Variants in HNRNPU observed in about 807,000 individuals in gnomAD.
The protein encoded by HNRNPU is HNRNPU antisense RNA 1.
A neutral mutation model predicts 94.7 loss-of-function variants in HNRNPU; 5 were observed. The ratio of observed to expected loss-of-function variants is 0.05; its 90% confidence interval spans 0.03 to 0.11. The LOEUF (loss-of-function observed/expected upper bound fraction) is 0.11, where lower values mean the gene tolerates loss of function less well. HNRNPU is among the 10% of genes least tolerant of loss of function. The probability of loss-of-function intolerance (pLI) is 1.00; values close to 1 mark genes in which losing one functional copy is unlikely to be tolerated. For missense variants in HNRNPU, 710 were observed against 1,049.2 expected (o/e 0.68, Z 4.47); for synonymous variants, 434 against 381.6 (o/e 1.14, Z -1.60).
intron 10 of HNRNPU, 73 bp from the exon 11 acceptor site, chr1:244,856,231 C>T (rs994209426): frequency 6.9e-7 from 1 of 1,441,646 alleles, no homozygotes. Context: ...GCTGACAATT[C>T]TTGAGGTTTA....
intron 11 of HNRNPU, 72 bp from the exon 12 acceptor site, chr1:244,855,680 T>C (rs1345098636): frequency 2.0e-6 from 3 of 1,482,678 alleles, no homozygotes; most frequent in African/African-American, 1.4e-5. Flanking sequence ...AGGATTCCTC[T>C]AGATTGTTCC....
At chr1:244,858,321 C>T (rs1253853495) in intron 6 of HNRNPU, 47 bp from the exon 7 acceptor site, 9 of 1,548,814 alleles carry the variant, frequency 5.8e-6, no homozygotes, top group Non-Finnish European at 7.0e-6. Context: ...CTTCCTTAAA[C>T]TTTCTAAAAA....
chr1:244,854,153 C>G lies in HNRNPU; in HGVS notation c.*297G>C. 1 of 280,486 alleles carries G rather than the reference C, an allele frequency of 3.6e-6. No individual in the cohort carries two copies. Among genetic ancestry groups the G allele is most frequent in the South Asian group, 4.6e-5 (1 of 21,686 alleles). 17.4% of individuals were successfully genotyped at this position (280,486 alleles called of 1,614,324 possible). A position where few individuals can be genotyped will look rare whatever the true frequency, so the allele number is the denominator to read the frequency against. On this transcript the variant is annotated 3_prime_UTR_variant, in exon 14 of 14. Coordinates refer to ENST00000640218, the MANE Select transcript of HNRNPU (RefSeq NM_031844.3). ...CCAGGTACAAAGCAACATTTTACTTCTGTTGTGATAAAAAAAAAAAAAAGT... is the reference window on the plus strand; with the variant it reads ...CCAGGTACAAAGCAACATTTTACTTGTGTTGTGATAAAAAAAAAAAAAAGT...
rs910476955 is a variant in HNRNPU at position 244,856,029 on chromosome 1, T to C, written c.2042A>G (p.Lys681Arg). Residue 681 changes from lysine (K) to arginine (R), a missense_variant, in exon 11 of 14, where the codon AAG becomes AGG. Lys to Arg is a conservative substitution (Grantham distance 26, BLOSUM62 2). Coordinates refer to ENST00000640218, the MANE Select transcript of HNRNPU (RefSeq NM_031844.3). ...EESKKALPPE[K>R]KQNTGSKKSN... ...TTTCTTTGAGCCAGTGTTCTGTTTCTTTTCTGGTGGAAGAGCCTTTTTGCT... is the reference window on the plus strand; with the variant it reads ...TTTCTTTGAGCCAGTGTTCTGTTTCCTTTCTGGTGGAAGAGCCTTTTTGCT... The C allele has an allele frequency of 6.2e-7, 1 of 1,614,192 alleles. No homozygotes were observed. Among genetic ancestry groups the C allele is most frequent in the Non-Finnish European group, 8.5e-7 (1 of 1,180,026 alleles).
chr1:244,859,064 T>G (rs977314904), intron 5 of HNRNPU: 22 of 580,730 alleles, frequency 3.8e-5, no homozygotes, highest in Admixed American at 1.7e-4. Flanking sequence ...ACGGGTAAGA[T>G]TTTATTTCAA....
chr1:244,851,482 A>G lies in HNRNPU; in HGVS notation c.*2968T>C, dbSNP rs961092732. The G allele has an allele frequency of 2.6e-5, 4 of 152,232 alleles. No individual in the cohort carries two copies. Among genetic ancestry groups the G allele is most frequent in the African/African-American group, 9.6e-5 (4 of 41,460 alleles). The allele number at this position is 152,232 out of a possible 1,614,324, so 9.4% of individuals were successfully genotyped here. On this transcript the variant is annotated 3_prime_UTR_variant, in exon 14 of 14. Transcript: ENST00000640218. The stretch of plus-strand genomic sequence containing the variant: ...TACAGAATACACTCTGTTCATGAAT[A>G]TAAAATCCCCAGGTGAAAGTCCCTT...
chr1:244,860,368 A>T lies in HNRNPU; in HGVS notation c.984T>A (p.Gly328=). The change falls in exon 4 of 14, where the codon GGT becomes GGA. Residue 328 remains glycine, a synonymous_variant. Coordinates refer to ENST00000640218, the MANE Select transcript of HNRNPU (RefSeq NM_031844.3). ...FLWAGGRASY[G]VSKGKVCFEM... The stretch of plus-strand genomic sequence containing the variant: ...CAAAACACACTTTGCCTTTTGACAC[A>T]CCATAGGATGCTCTTCCTCCAGCCC... 1 of 1,611,804 alleles carries T rather than the reference A, an allele frequency of 6.2e-7. No individual in the cohort carries two copies. Among genetic ancestry groups the T allele is most frequent in the Non-Finnish European group, 8.5e-7 (1 of 1,179,410 alleles).
rs1368236508 is a variant in HNRNPU, at chr1:244,857,124, C to CA, written c.1615-269dup. On this transcript the variant is annotated intron_variant, in intron 8 of 13. Coordinates refer to ENST00000640218, the MANE Select transcript of HNRNPU (RefSeq NM_031844.3). ...TAGCCAGTGGAAGGCAGTTTACCCTCAGAGTTGAAAGAACCAACTTAATCT... is the reference window on the plus strand; with the variant it reads ...TAGCCAGTGGAAGGCAGTTTACCCTCAAGAGTTGAAAGAACCAACTTAATCT... The CA allele has an allele frequency of 1.6e-5, 5 of 321,892 alleles. No homozygotes were observed. The East Asian group carries it at 1.7e-4, about 11-fold the overall frequency. 19.9% of individuals were successfully genotyped at this position (321,892 alleles called of 1,614,324 possible). A position where few individuals can be genotyped will look rare whatever the true frequency, so the allele number is the denominator to read the frequency against.
At chr1:244,862,426 G>T in intron 3 of HNRNPU, 35 bp downstream of exon 3, 6 of 854,952 alleles carry the variant, frequency 7.0e-6, no homozygotes, top group Non-Finnish European at 1.1e-5. Flanking sequence ...CACCATCACC[G>T]CATTTCATAA....
chr1:244,856,063 T>G lies in HNRNPU; in HGVS notation c.2008A>C (p.Lys670Gln). The change falls in exon 11 of 14, where the codon AAG becomes CAG. Residue 670 changes from lysine to glutamine, a missense_variant. Physicochemically the swap from Lys to Gln is moderately conservative, Grantham distance 53. Around this residue, in one of 8 missense-constraint regions of HNRNPU, gnomAD observed 152 missense variants for 238.9 expected, o/e 0.64. Coordinates refer to ENST00000640218, the MANE Select transcript of HNRNPU (RefSeq NM_031844.3). The stretch of plus-strand genomic sequence containing the variant: ...GGAAGAGCCTTTTTGCTTTCTTCCT[T>G]ATATTGCTCCAAGAGTTTTTGGGCT... ...EEAQKLLEQY[K>Q]EESKKALPPE... 6.2e-7 allele frequency: 1 copy of G among 1,614,104 alleles called. No individual in the cohort carries two copies. Among genetic ancestry groups the G allele is most frequent in the South Asian group, 1.1e-5 (1 of 91,078 alleles).
Position 244,863,662 on chromosome 1 carries a change from CCTT to C in HNRNPU, c.643_645del (p.Lys215del), listed in dbSNP as rs750936227. On this transcript the variant is annotated inframe_deletion, in exon 1 of 14. Coordinates refer to ENST00000640218, the MANE Select transcript of HNRNPU (RefSeq NM_031844.3). ...CGACCGCCGCCTCCGCCGCCTTCCG[CCTT>C]CTTCTTACCTCCCGCCTGCTGCTGG... 27 of 1,560,906 alleles carry C rather than the reference CCTT, an allele frequency of 1.7e-5. No individual in the cohort carries two copies. The highest frequency in any genetic ancestry group is 6.9e-5 in the South Asian group (6 of 87,516).
At position 244,858,535 on chromosome 1, in the gene HNRNPU, A is replaced by C. The variant is rs2102986955; in HGVS notation, c.1230+194T>G. 4 of 607,272 alleles carry C rather than the reference A, an allele frequency of 6.6e-6. No homozygotes were observed. In the South Asian group the frequency reaches 8.4e-5, roughly 13 times the overall value. 37.6% of individuals were successfully genotyped at this position (607,272 alleles called of 1,614,324 possible). On this transcript the variant is annotated intron_variant, in intron 6 of 13. Transcript: ENST00000640218. ...TTTCATGTTCACTGTTTTCAGTCAAAATGAATTAGTGAGTTCCTCAAAAAT... is the reference window on the plus strand; with the variant it reads ...TTTCATGTTCACTGTTTTCAGTCAACATGAATTAGTGAGTTCCTCAAAAAT...
Position 244,856,642 on chromosome 1 carries a change from T to G in HNRNPU, c.1744-17A>C. 1 of 1,611,968 alleles carries G rather than the reference T, an allele frequency of 6.2e-7. No individual in the cohort carries two copies. Among genetic ancestry groups the G allele is most frequent in the Non-Finnish European group, 8.5e-7 (1 of 1,179,390 alleles). On this transcript the variant is annotated splice_polypyrimidine_tract_variant and intron_variant, in intron 9 of 13. Transcript: ENST00000640218. ...CACATTTGTCTTTAAAAAAAGAAAT[T>G]TATGTTTACAACCCTAAACATTAAT... is the stretch of plus-strand genomic sequence containing the variant.
chr1:244,853,585 G>C lies in HNRNPU; in HGVS notation c.*865C>G, dbSNP rs1002035067. ...GGAGTTAACTACTACAAGCACACTA[G>C]TTATACAGTATTTTGTGGGAGAAGG... On this transcript the variant is annotated 3_prime_UTR_variant, in exon 14 of 14. Transcript: ENST00000640218. 2.6e-5 allele frequency: 4 copies of C among 152,510 alleles called. No homozygotes were observed. The highest frequency in any genetic ancestry group is 9.7e-5 in the African/African-American group (4 of 41,420). The allele number at this position is 152,510 out of a possible 1,614,324, so 9.4% of individuals were successfully genotyped here.
intron 12 of HNRNPU, 56 bp from the exon 13 acceptor site, chr1:244,855,100 TG>T (rs1558185734): frequency 8.6e-6 from 12 of 1,402,154 alleles, no homozygotes; most frequent in Non-Finnish European, 1.2e-5. Flanking sequence ...GTTAGGTTTG[TG>T]GGGGTGAGAG....
rs1370669241 is a variant in HNRNPU at position 244,854,074 on chromosome 1, C to A, written c.*376G>T. 4.2e-6 allele frequency: 1 copy of A among 237,466 alleles called. No individual in the cohort carries two copies. Among genetic ancestry groups the A allele is most frequent in the Non-Finnish European group, 8.2e-6 (1 of 121,776 alleles). The allele number at this position is 237,466 out of a possible 1,614,324, so 14.7% of individuals were successfully genotyped here. ...TTTCTATTATATTGTGACAATGACT[C>A]CCGACTGTTATTCTCTGTGAGAAAT... On this transcript the variant is annotated 3_prime_UTR_variant, in exon 14 of 14. Transcript: ENST00000640218.
At chr1:244,856,649 T>TACA (rs749356014) in intron 9 of HNRNPU, 24 bp from the exon 10 acceptor site, 7 of 1,611,860 alleles carry the variant, frequency 4.3e-6, no homozygotes, top group Non-Finnish European at 5.9e-6. Context: ...AATTTATGTT[T>TACA]ACAACCCTAA....
At chr1:244,862,417 ACC>A in intron 3 of HNRNPU, 42 bp downstream of exon 3, 3 of 1,149,374 alleles carry the variant, frequency 2.6e-6, no homozygotes, top group African/African-American at 1.7e-5. Context: ...AAAAAAAACC[ACC>A]ATCACCGCAT....
rs982861371 is a variant in HNRNPU at position 244,863,816 on chromosome 1, T to C, written c.492A>G (p.Gln164=). The C allele has an allele frequency of 3.7e-6, 6 of 1,608,056 alleles. No homozygotes were observed. Among genetic ancestry groups the C allele is most frequent in the Middle Eastern group, 3.3e-4 (2 of 6,046 alleles). ...DENGHGEQQP[Q]PPATQQQQPQ... is the part of the protein sequence containing the mutation. ...GCTGTTGCTGCTGCGTCGCCGGCGG[T>C]TGAGGCTGCTGCTCCCCGTGCCCGT... The change falls in exon 1 of 14, where the codon CAA becomes CAG. Residue 164 remains glutamine, a synonymous_variant. Transcript: ENST00000640218.
Sources: gnomAD v4.1 joint callset for allele counts on GRCh38, gnomAD v4.1.1 for gene constraint, gnomAD v4.1.1 regional missense constraint, MANE v1.5 for transcripts, NCBI Gene and HGNC (gene_info 2026-07-23, HGNC 2026-07-21) for gene names.